Variants in HBP1 observed in about 807,000 individuals in gnomAD.
The protein encoded by HBP1 is HMG-box transcription factor 1, also known as HMG box-containing protein 1.
In HBP1, 20 loss-of-function variants were observed where a neutral mutation model predicts 62.6. The ratio of observed to expected loss-of-function variants is 0.32; its 90% CI spans 0.22 to 0.46. The LOEUF (loss-of-function observed/expected upper bound fraction) is 0.46. HBP1 is among the 20% of genes least tolerant of loss of function. The pLI is 1.00. For synonymous variants in HBP1, 232 were observed against 206.2 expected (o/e 1.12, Z -1.07); for missense variants, 480 against 611.8 (o/e 0.78, Z 2.27).
At position 107,170,683 on chromosome 7, in the gene HBP1, G is replaced by A. The variant is rs564187377; in HGVS notation, c.-16+1498G>A. On this transcript the variant is annotated intron_variant, in intron 1 of 10. Transcript: ENST00000222574. ...CTGATAAATTATAGAATGAAGTTTT[G>A]ATTTCACTTTCTAGTTTCATCTTAG... is the stretch of plus-strand genomic sequence containing the variant. 5.9e-5 allele frequency among the ~76,000 whole-genome samples: 9 copies of A among 152,028 alleles called. No individual in the cohort carries two copies. The South Asian group carries it at 1.9e-3, about 31-fold the overall frequency.
chr7:107,169,638 C>T (rs1372616341), intron 1 of HBP1: 1 of 626,232 alleles, frequency 1.6e-6, no homozygotes, highest in Non-Finnish European at 2.0e-6. Flanking sequence ...CAGTGAGGCG[C>T]CGCCTCCTTC....
chr7:107,185,413 A>C (rs1358104571), intron 3 of HBP1, among the ~76,000 whole-genome samples: 4 of 152,244 alleles, frequency 2.6e-5, no homozygotes, highest in Non-Finnish European at 5.9e-5. Flanking sequence ...TGCTGTCTTC[A>C]TACTGAGACT....
intron 1 of HBP1, among the ~76,000 whole-genome samples, chr7:107,170,325 T>A (rs916074335): frequency 1.3e-5 from 2 of 152,252 alleles, no homozygotes; most frequent in African/African-American, 4.8e-5. Flanking sequence ...GTTTTGAAAT[T>A]AAAGGTACTT....
intron 10 of HBP1, 189 bp downstream of exon 10, chr7:107,200,490 C>T: frequency 2.4e-6 from 1 of 417,558 alleles, no homozygotes; most frequent in South Asian, 7.7e-5. Flanking sequence ...GTCATTTACT[C>T]TCATAGCATG....
chr7:107,196,199 T>C, intron 9 of HBP1, 48 bp downstream of exon 9: 1 of 1,024,486 alleles, frequency 9.8e-7, no homozygotes, highest in South Asian at 1.3e-5. Context: ...AACACTTCAA[T>C]ACGGTTCATG....
chr7:107,185,983 C>T (rs1349884548), intron 4 of HBP1, 41 bp downstream of exon 4: 2 of 1,501,882 alleles, frequency 1.3e-6, no homozygotes, highest in Non-Finnish European at 9.3e-7. Flanking sequence ...AAAGTTTGTA[C>T]AACAGTTGAA....
chr7:107,199,712 T>TAATA (rs1419807678), intron 9 of HBP1, among the ~76,000 whole-genome samples: 1 of 152,232 alleles, frequency 6.6e-6, no homozygotes, highest in Non-Finnish European at 1.5e-5. Context: ...AAACAGCTTC[T>TAATA]AATATTTGTC....
Position 107,201,743 on chromosome 7 carries a change from G to A in HBP1, c.*312G>A, listed in dbSNP as rs1405473560. On this transcript the variant is annotated 3_prime_UTR_variant, in exon 11 of 11. Transcript: ENST00000222574. ...GCTAAAGTACAGTAGAAAGAGAGGAGAAGTGTATACATGTTTTATTTTAAA... is the reference window on the plus strand; with the variant it reads ...GCTAAAGTACAGTAGAAAGAGAGGAAAAGTGTATACATGTTTTATTTTAAA... 1 of 285,532 alleles carries A rather than the reference G, an allele frequency of 3.5e-6. No homozygotes were observed. Among genetic ancestry groups the A allele is most frequent in the East Asian group, 6.2e-5 (1 of 16,184 alleles). 17.7% of individuals were successfully genotyped at this position (285,532 alleles called of 1,614,324 possible).
chr7:107,189,540 T>A (rs995421727), intron 7 of HBP1, 92 bp downstream of exon 7: 2 of 959,490 alleles, frequency 2.1e-6, no homozygotes, highest in Admixed American at 2.6e-5. Flanking sequence ...TAAGAAAAAA[T>A]TTGAGGGGAA....
chr7:107,169,647 TCTGGA>T, intron 1 of HBP1: 1 of 722,814 alleles, frequency 1.4e-6, no homozygotes, highest in Non-Finnish European at 1.7e-6. Context: ...GCCGCCTCCT[TCTGGA>T]CTGAGGGGGA....
Position 107,201,804 on chromosome 7 carries a change from C to CTGTT in HBP1, c.*375_*378dup, listed in dbSNP as rs1336785949. On this transcript the variant is annotated 3_prime_UTR_variant, in exon 11 of 11. Transcript: ENST00000222574. ...GGGGAATTTAAAAAATATGTAACTGCTGTTTATACATTGGCTCCTTACTGC... is the reference window on the plus strand; with the variant it reads ...GGGGAATTTAAAAAATATGTAACTGCTGTTTGTTTATACATTGGCTCCTTACTGC... 3 of 179,392 alleles carry CTGTT rather than the reference C, an allele frequency of 1.7e-5. No individual in the cohort carries two copies. The highest frequency in any genetic ancestry group is 7.1e-5 in the African/African-American group (3 of 42,394). The allele number at this position is 179,392 out of a possible 1,614,324, so 11.1% of individuals were successfully genotyped here.
intron 9 of HBP1, among the ~76,000 whole-genome samples, chr7:107,197,972 T>C (rs1216647437): frequency 2.0e-5 from 3 of 152,150 alleles, no homozygotes; most frequent in Non-Finnish European, 4.4e-5. Context: ...ACACTTCTGG[T>C]ATTTAATTAT....
intron 1 of HBP1, among the ~76,000 whole-genome samples, chr7:107,172,406 C>A (rs1249881559): frequency 6.6e-6 from 1 of 151,944 alleles, no homozygotes; most frequent in African/African-American, 2.4e-5. Context: ...AATTATGTTT[C>A]TAGTTTCTCC....
intron 3 of HBP1, among the ~76,000 whole-genome samples, chr7:107,183,582 G>A (rs1797212494): frequency 1.3e-5 from 2 of 151,276 alleles, no homozygotes; most frequent in Admixed American, 1.3e-4. Flanking sequence ...AATCTTAATA[G>A]TCAAAAAGCT....
chr7:107,193,989 G>A, intron 8 of HBP1, among the ~76,000 whole-genome samples: 1 of 152,206 alleles, frequency 6.6e-6, no homozygotes, highest in East Asian at 1.9e-4. Flanking sequence ...AGACAGTGAA[G>A]TGAGAATGGG....
rs781672721 is a variant in HBP1, at chr7:107,179,866, TTTTTA to T, written c.-15-7_-15-3del. 79 of 1,546,180 alleles carry T rather than the reference TTTTTA, an allele frequency of 5.1e-5. 1 individual carries two copies. The African/African-American group carries it at 1.0e-3, about 20-fold the overall frequency. ...GGCTTGACATCATTTCTTAATGTCG[TTTTTA>T]TTTTAAGTCAGAGCACCATAACATG... On this transcript the variant is annotated splice_region_variant and splice_polypyrimidine_tract_variant and intron_variant, in intron 1 of 10. Transcript: ENST00000222574.
intron 8 of HBP1, among the ~76,000 whole-genome samples, chr7:107,191,622 G>A (rs1460495846): frequency 6.6e-6 from 1 of 152,184 alleles, no homozygotes; most frequent in Non-Finnish European, 1.5e-5. Context: ...GTGAATCCAT[G>A]AAGTGTGATA....
Position 107,189,392 on chromosome 7 carries a change from A to G in HBP1, c.866A>G (p.Asp289Gly). 6.2e-7 allele frequency: 1 copy of G among 1,612,748 alleles called. No homozygotes were observed. The highest frequency in any genetic ancestry group is 8.5e-7 in the Non-Finnish European group (1 of 1,178,818). Reference protein sequence around the residue: ...KLTFDPGTVEDGLLTVECKLD... With the variant: ...KLTFDPGTVEGGLLTVECKLD... ...ACTTTTGATCCTGGTACAGTAGAAG[A>G]TGGTTTACTTACCGTAGAGTGTAAG... Residue 289 changes from aspartate to glycine, a missense_variant, in exon 7 of 11, where the codon GAT becomes GGT. Around this residue, in one of 4 missense-constraint regions of HBP1, gnomAD observed 58 missense variants for 128.5 expected, o/e 0.45. Transcript: ENST00000222574.
chr7:107,199,837 A>C (rs1798134749), intron 9 of HBP1, among the ~76,000 whole-genome samples: 2 of 152,252 alleles, frequency 1.3e-5, no homozygotes, highest in African/African-American at 4.8e-5. Context: ...GAGAAATAGT[A>C]AGATATGCAT....
Sources: allele counts gnomAD v4.1 joint callset (sites outside exome capture counted in the v4.1 genomes callset), GRCh38; gene constraint gnomAD v4.1.1; regional missense constraint gnomAD v4.1.1; transcripts MANE v1.5; gene names NCBI Gene and HGNC (gene_info 2026-07-23, HGNC 2026-07-21).